GMDS: variants seen among roughly 807,000 people sequenced by gnomAD.
GMDS encodes the protein GDP-mannose 4,6 dehydratase.
A neutral mutation model predicts 49.9 loss-of-function variants in GMDS; 20 were observed. That is an observed-to-expected ratio of 0.40 (90% CI 0.28 to 0.58). The LOEUF (loss-of-function observed/expected upper bound fraction) is 0.58, where lower values mean the gene tolerates loss of function less well. GMDS is among the 20% of genes least tolerant of loss of function. The probability of loss-of-function intolerance (pLI) is 0.42; values close to 1 mark genes in which losing one functional copy is unlikely to be tolerated. For synonymous variants in GMDS, 177 were observed against 178.6 expected (o/e 0.99, Z 0.07); for missense variants, 362 against 481.4 (o/e 0.75, Z 2.32).
At chr6:2,072,812 C>G (rs1215905906) in intron 4 of GMDS, among the ~76,000 whole-genome samples, 1 of 152,172 alleles carries the variant, frequency 6.6e-6, no homozygotes, top group Non-Finnish European at 1.5e-5. Context: ...GTGCTCTAAC[C>G]TGAACCCCAT....
chr6:1,668,773 C>T (rs565398242), intron 9 of GMDS, among the ~76,000 whole-genome samples: 1 of 151,916 alleles, frequency 6.6e-6, no homozygotes, highest in East Asian at 1.9e-4. Flanking sequence ...TAAAACAGAA[C>T]ACTCTCCATT....
intron 1 of GMDS, among the ~76,000 whole-genome samples, chr6:2,220,748 T>C (rs1359446593): frequency 1.3e-5 from 2 of 151,990 alleles, no homozygotes; most frequent in African/African-American, 4.8e-5. Flanking sequence ...TCTCTACGTA[T>C]ATGAAAATAT....
intron 1 of GMDS, among the ~76,000 whole-genome samples, chr6:2,238,417 T>C (rs1781470506): frequency 6.6e-6 from 1 of 152,088 alleles, no homozygotes; most frequent in Non-Finnish European, 1.5e-5. Flanking sequence ...TTCCCAGTGG[T>C]TGCATTTCTG....
intron 1 of GMDS, among the ~76,000 whole-genome samples, chr6:2,220,451 G>A (rs919001465): frequency 2.0e-5 from 3 of 152,160 alleles, no homozygotes; most frequent in Non-Finnish European, 2.9e-5. Flanking sequence ...ACTGTTAAGT[G>A]CTTTAATGTG....
At chr6:2,186,243 A>C (rs1221562709) in intron 1 of GMDS, among the ~76,000 whole-genome samples, 1 of 152,256 alleles carries the variant, frequency 6.6e-6, no homozygotes, top group African/African-American at 2.4e-5. Flanking sequence ...GCAATGTTTT[A>C]ATGTACAATG....
chr6:1,890,197 C>T (rs958776232), intron 7 of GMDS, among the ~76,000 whole-genome samples: 32 of 151,936 alleles, frequency 2.1e-4, no homozygotes, highest in Non-Finnish European at 4.6e-4. Flanking sequence ...TATCAATGCA[C>T]GAGGGTTCCA....
intron 4 of GMDS, among the ~76,000 whole-genome samples, chr6:2,075,931 T>G (rs542797788): frequency 0.017 from 2,540 of 152,272 alleles, 66 homozygotes; most frequent in African/African-American, 0.058. Context: ...GTTTCCTGAC[T>G]TTTTAATGAT....
chr6:2,097,224 TTTA>T (rs1408122981), intron 4 of GMDS, among the ~76,000 whole-genome samples: 1 of 152,184 alleles, frequency 6.6e-6, no homozygotes, highest in African/African-American at 2.4e-5. Context: ...AGTTTTATAT[TTTA>T]TTATTGTAGA....
chr6:2,213,595 A>G (rs1005892586), intron 1 of GMDS, among the ~76,000 whole-genome samples: 1 of 152,198 alleles, frequency 6.6e-6, no homozygotes, highest in African/African-American at 2.4e-5. Flanking sequence ...AAATAAAACA[A>G]GGGTAGTCCC....
intron 9 of GMDS, among the ~76,000 whole-genome samples, chr6:1,644,741 C>T (rs1011724981): frequency 4.6e-5 from 7 of 152,118 alleles, no homozygotes; most frequent in African/African-American, 1.4e-4. Flanking sequence ...TTCACGGCCA[C>T]CCCCACTGCC....
intron 6 of GMDS, among the ~76,000 whole-genome samples, chr6:1,938,086 T>C (rs543996860): frequency 6.6e-6 from 1 of 152,304 alleles, no homozygotes; most frequent in South Asian, 2.1e-4. Context: ...TTAAACATCA[T>C]TTTAAGGGTA....
chr6:1,659,888 A>G (rs932744309), intron 9 of GMDS, among the ~76,000 whole-genome samples: 24 of 152,258 alleles, frequency 1.6e-4, no homozygotes, highest in African/African-American at 5.5e-4. Context: ...AGTAACAGCC[A>G]TTTTAAACCC....
At chr6:1,887,951 GT>G in intron 7 of GMDS, among the ~76,000 whole-genome samples, 1 of 151,584 alleles carries the variant, frequency 6.6e-6, no homozygotes, top group African/African-American at 2.4e-5. Flanking sequence ...AGGTTTTTTT[GT>G]TTTGTTTTGT....
At position 2,129,121 on chromosome 6, in the gene GMDS, A is replaced by AT. The variant is rs373997355; in HGVS notation, c.103-4391dup. On this transcript the variant is annotated intron_variant, in intron 1 of 10. Coordinates refer to ENST00000380815, the MANE Select transcript of GMDS (RefSeq NM_001500.4). Reference sequence around the variant, plus strand: ...TAAAAATTAAAGACCAATTCCAGAAATTCACAGAATCATGTTTTGACTACA... The same window carrying AT: ...TAAAAATTAAAGACCAATTCCAGAAATTTCACAGAATCATGTTTTGACTACA... 1.7e-3 allele frequency among the ~76,000 whole-genome samples: 257 copies of AT among 152,296 alleles called. 1 individual carries two copies. The highest frequency in any genetic ancestry group is 6.1e-3 in the African/African-American group (253 of 41,552).
chr6:2,115,827 T>C lies in GMDS; in HGVS notation c.289A>G (p.Ile97Val), dbSNP rs144738457. The change falls in exon 4 of 11, where the codon ATT becomes GTT. Residue 97 changes from isoleucine to valine, a missense_variant. Physicochemically the swap from Ile to Val is conservative, Grantham distance 29. Transcript: ENST00000380815. Reference protein sequence around the residue: ...LTDSTCLVKIINEVKPTEIYN... With the variant: ...LTDSTCLVKIVNEVKPTEIYN... ...ATCTCTGTGGGCTTTACTTCATTAA[T>C]GATCTTCACAAGGCAGGTACTGTCA... 80 of 1,606,294 alleles carry C rather than the reference T, an allele frequency of 5.0e-5. No homozygotes were observed. Among genetic ancestry groups the C allele is most frequent in the Non-Finnish European group, 6.7e-5 (79 of 1,175,378 alleles).
chr6:2,018,302 AT>A (rs1379988047), intron 4 of GMDS, among the ~76,000 whole-genome samples: 1 of 152,240 alleles, frequency 6.6e-6, no homozygotes, highest in Non-Finnish European at 1.5e-5. Flanking sequence ...ATAAGGAGTT[AT>A]GTCAAGTTCT....
chr6:2,202,183 C>T (rs1010432764), intron 1 of GMDS, among the ~76,000 whole-genome samples: 6 of 144,222 alleles, frequency 4.2e-5, no homozygotes, highest in East Asian at 2.1e-4. Context: ...CATGGACATC[C>T]GAGATGTAAC....
At chr6:2,194,030 ATT>A (rs34320046) in intron 1 of GMDS, among the ~76,000 whole-genome samples, 1 of 150,326 alleles carries the variant, frequency 6.7e-6, no homozygotes, top group Admixed American at 6.6e-5. Flanking sequence ...CAAAAATGCT[ATT>A]TTTTTTTAAA....
chr6:1,881,396 G>A (rs182132696), intron 7 of GMDS, among the ~76,000 whole-genome samples: 1 of 152,222 alleles, frequency 6.6e-6, no homozygotes, highest in South Asian at 2.1e-4. Context: ...ATCATTAAAA[G>A]ATTAAAAAGA....
Sources: allele counts gnomAD v4.1 joint callset (sites outside exome capture counted in the v4.1 genomes callset), GRCh38; gene constraint gnomAD v4.1.1; transcripts MANE v1.5; gene names NCBI Gene and HGNC (gene_info 2026-07-23, HGNC 2026-07-21).